Variants in ZDHHC11 observed in about 807,000 individuals in gnomAD.
ZDHHC11 encodes the protein zDHHC palmitoyltransferase 11.
Under a neutral mutation model 51.3 loss-of-function variants are expected in ZDHHC11, and 44 were observed. The ratio of observed to expected loss-of-function variants is 0.86; its 90% CI spans 0.67 to 1.10. ZDHHC11 has a LOEUF of 1.10. Among genes scored for constraint, ZDHHC11 ranks in the 50% least tolerant of loss-of-function variants. ZDHHC11 has a pLI of 0.00. For synonymous variants in ZDHHC11, 163 were observed against 222.0 expected (o/e 0.73, Z 2.36); for missense variants, 400 against 537.7 (o/e 0.74, Z 2.53).
chr5:851,140 C>A (rs1389879194), upstream of ZDHHC11, among the ~76,000 whole-genome samples: 1 of 152,236 alleles, frequency 6.6e-6, no homozygotes, highest in Non-Finnish European at 1.5e-5. Context: ...CTGAAACCTG[C>A]CAGATCCTCC....
intron 4 of ZDHHC11, among the ~76,000 whole-genome samples, chr5:842,873 C>G (rs1287120724): frequency 6.6e-6 from 1 of 152,134 alleles, no homozygotes; most frequent in African/African-American, 2.4e-5. Context: ...TGACTCCACC[C>G]CTGCCTCCAT....
rs1335441633 is a variant in ZDHHC11, at chr5:843,862, G to C, written c.504-138C>G. 4 of 629,546 alleles carry C rather than the reference G, an allele frequency of 6.4e-6. No homozygotes were observed. The African/African-American group carries it at 1.3e-4, about 20-fold the overall frequency. The allele number at this position is 629,546 out of a possible 1,614,324, so 39.0% of individuals were successfully genotyped here. A position where few individuals can be genotyped will look rare whatever the true frequency, so the allele number is the denominator to read the frequency against. On this transcript the variant is annotated intron_variant, in intron 3 of 12. Transcript: ENST00000283441. Reference sequence around the variant, plus strand: ...GGGCGTGGGGGGCACAGCGGCAGGGGCATGCGGGGCATGTGGGACAGGTGT... The same window carrying C: ...GGGCGTGGGGGGCACAGCGGCAGGGCCATGCGGGGCATGTGGGACAGGTGT...
chr5:811,548 C>T (rs56076600), intron 11 of ZDHHC11, among the ~76,000 whole-genome samples: 5,297 of 147,226 alleles, frequency 0.036, 11 homozygotes, highest in Non-Finnish European at 0.05. Context: ...AGCACGTTTC[C>T]GTGAAGGACG....
intron 7 of ZDHHC11, among the ~76,000 whole-genome samples, chr5:828,579 C>T (rs1742655008): frequency 6.6e-6 from 1 of 151,400 alleles, no homozygotes; most frequent in Non-Finnish European, 1.5e-5. Flanking sequence ...GCACTGATAG[C>T]ACTAGACAGG....
chr5:851,141 C>T (rs546995863), upstream of ZDHHC11, among the ~76,000 whole-genome samples: 1 of 152,234 alleles, frequency 6.6e-6, no homozygotes, highest in Admixed American at 6.5e-5. Flanking sequence ...TGAAACCTGC[C>T]AGATCCTCCC....
intron 8 of ZDHHC11, chr5:823,799 C>G (rs1741884208): frequency 3.2e-6 from 1 of 307,730 alleles, no homozygotes; most frequent in Non-Finnish European, 6.6e-6. Context: ...TGAGGGGACT[C>G]ACAAATGCAC....
At position 810,627 on chromosome 5, in the gene ZDHHC11, A is replaced by C. The variant is rs375596793; in HGVS notation, c.1181+4134T>G. Among the ~76,000 whole-genome samples the C allele has an allele frequency of 2.0e-5, 3 of 150,372 alleles. No individual in the cohort carries two copies. The South Asian group carries it at 6.3e-4, about 31-fold the overall frequency. ...TGCGCAGCAGGCAGAGCCTGAAGTA[A>C]AAGGCTGTGAGTGAGTCTATAAGGT... is the stretch of plus-strand genomic sequence containing the variant. On this transcript the variant is annotated intron_variant, in intron 11 of 12. Coordinates refer to ENST00000283441, the MANE Select transcript of ZDHHC11 (RefSeq NM_024786.3).
rs1168284098 is a variant in ZDHHC11, at chr5:807,029, G to A, written c.1182-5865C>T. On this transcript the variant is annotated intron_variant, in intron 11 of 12. Transcript: ENST00000283441. ...ACCTGTACAACAGGAGATCTGTCAA[G>A]ATCAAGCAGCACAGCTGGGTAGCAA... 7.3e-5 allele frequency among the ~76,000 whole-genome samples: 11 copies of A among 151,050 alleles called. 1 individual carries two copies. The highest frequency in any genetic ancestry group is 2.4e-4 in the African/African-American group (10 of 41,098).
At chr5:835,336 C>T (rs1380061920) in intron 6 of ZDHHC11, among the ~76,000 whole-genome samples, 1 of 151,592 alleles carries the variant, frequency 6.6e-6, no homozygotes, top group Non-Finnish European at 1.5e-5. Context: ...GATTTTAGTA[C>T]CATTATTTAA....
At chr5:851,467 G>T (rs3810859), upstream of ZDHHC11, among the ~76,000 whole-genome samples, 1 of 151,998 alleles carries the variant, frequency 6.6e-6, no homozygotes, top group Admixed American at 6.5e-5. Context: ...AGGAAGCTTC[G>T]CCACGTTATG....
rs185997878 is a variant in ZDHHC11, at chr5:842,025, T to C, written c.629-1375A>G. 406 of 987,084 alleles carry C rather than the reference T, an allele frequency of 4.1e-4. 4 individuals carry two copies. The African/African-American group carries it at 6.8e-3, about 16-fold the overall frequency. The allele number at this position is 987,084 out of a possible 1,614,324, so 61.1% of individuals were successfully genotyped here. On this transcript the variant is annotated intron_variant, in intron 4 of 12. Transcript: ENST00000283441. ...CTTAGCCAGTGACATCACGATGAGT[T>C]CAGCCCATGAGAAGAAGGAGCAGCT...
At chr5:820,070 C>T (rs9637838) in intron 9 of ZDHHC11, among the ~76,000 whole-genome samples, 51,941 of 150,984 alleles carry the variant, frequency 0.34, 14,428 homozygotes, top group African/African-American at 0.76. Context: ...ATATACATGT[C>T]GATTTGGCAA....
rs1738351770 is a variant in ZDHHC11, at chr5:801,133, T to C, written c.1213A>G (p.Thr405Ala). 37 of 1,610,774 alleles carry C rather than the reference T, an allele frequency of 2.3e-5. No individual in the cohort carries two copies. The highest frequency in any genetic ancestry group is 3.0e-5 in the Non-Finnish European group (35 of 1,177,596). The change falls in exon 12 of 13, where the codon ACT becomes GCT. Residue 405 changes from threonine (T) to alanine (A), a missense_variant. This residue lies in a region of ZDHHC11 where 231 missense variants were observed against 227.4 expected (regional missense o/e 1.02). Coordinates refer to ENST00000283441, the MANE Select transcript of ZDHHC11 (RefSeq NM_024786.3). ...CAGTCTTCACTTTCAGCACTGTCAGTTTTCATGGGCTCTGTTGTTTCTTGT... is the reference window on the plus strand; with the variant it reads ...CAGTCTTCACTTTCAGCACTGTCAGCTTTCATGGGCTCTGTTGTTTCTTGT... ...LQQETTEPMK[T>A]DSAESED
At position 840,520 on chromosome 5, in the gene ZDHHC11, C is replaced by A. The variant is rs1272931783; in HGVS notation, c.759G>T (p.Gln253His). The A allele has an allele frequency of 6.2e-7, 1 of 1,613,642 alleles. No individual in the cohort carries two copies. The highest frequency in any genetic ancestry group is 8.5e-7 in the Non-Finnish European group (1 of 1,179,874). Residue 253 changes from glutamine to histidine, a missense_variant, in exon 5 of 13, where the codon CAG (glutamine) becomes CAT (histidine). Gln to His is a conservative substitution (Grantham distance 24). Coordinates refer to ENST00000283441, the MANE Select transcript of ZDHHC11 (RefSeq NM_024786.3). ...TCAGGTAGATGTGGAAGATGAGCAG[C>A]TGGCCCAGGTGCACCAAGCCAAGAA... ...LDFLGLVHLG[Q>H]LLIFHIYLKA...
intron 4 of ZDHHC11, among the ~76,000 whole-genome samples, chr5:843,147 C>T (rs759677363): frequency 6.6e-6 from 1 of 152,412 alleles, no homozygotes; most frequent in South Asian, 2.1e-4. Context: ...TCCGGGCCCA[C>T]TTGGCCAAGG....
chr5:844,409 C>G (rs2150424565), intron 3 of ZDHHC11, among the ~76,000 whole-genome samples: 2 of 152,424 alleles, frequency 1.3e-5, no homozygotes, highest in African/African-American at 4.8e-5. Context: ...TCGCCCAAGC[C>G]TACCAGCGGA....
At chr5:838,053 C>T (rs1381103629) in intron 5 of ZDHHC11, among the ~76,000 whole-genome samples, 2 of 151,864 alleles carry the variant, frequency 1.3e-5, no homozygotes. Context: ...CACTCCTGAG[C>T]GTGCTGAGAG....
intron 6 of ZDHHC11, among the ~76,000 whole-genome samples, chr5:834,387 C>A (rs113681553): frequency 0.035 from 5,339 of 152,040 alleles, 105 homozygotes; most frequent in Non-Finnish European, 0.051. Flanking sequence ...GATGCTCAGG[C>A]TGGTCTTGAA....
chr5:840,504 T>A lies in ZDHHC11; in HGVS notation c.775A>T (p.Ile259Phe). 2 of 1,613,600 alleles carry A rather than the reference T, an allele frequency of 1.2e-6. No homozygotes were observed. The highest frequency in any genetic ancestry group is 2.2e-5 in the South Asian group (2 of 91,084). Reference protein sequence around the residue: ...VHLGQLLIFHIYLKAKKMTTF... With the variant: ...VHLGQLLIFHFYLKAKKMTTF... Reference sequence around the variant, plus strand: ...AGGGTGGGGGACATACTCAGGTAGATGTGGAAGATGAGCAGCTGGCCCAGG... The same window carrying A: ...AGGGTGGGGGACATACTCAGGTAGAAGTGGAAGATGAGCAGCTGGCCCAGG... The change falls in exon 5 of 13, where the codon ATC (isoleucine) becomes TTC (phenylalanine). Residue 259 changes from isoleucine (I) to phenylalanine (F), a missense_variant. This residue lies in a region of ZDHHC11 where 231 missense variants were observed against 227.4 expected (regional missense o/e 1.02). Coordinates refer to ENST00000283441, the MANE Select transcript of ZDHHC11 (RefSeq NM_024786.3).
Sources: gnomAD v4.1 joint callset for allele counts (sites outside exome capture counted in the v4.1 genomes callset) on GRCh38, gnomAD v4.1.1 for gene constraint, gnomAD v4.1.1 regional missense constraint, MANE v1.5 for transcripts, NCBI Gene and HGNC (gene_info 2026-07-23, HGNC 2026-07-21) for gene names.